IL17RD: variants seen among roughly 807,000 people sequenced by gnomAD.
IL17RD encodes interleukin 17 receptor D, also known as interleukin-17 receptor D.
IL17RD carries 52 observed loss-of-function variants against 80.5 expected under a neutral mutation model. The observed-to-expected ratio is 0.65, with a 90% CI of 0.52 to 0.81. The LOEUF (loss-of-function observed/expected upper bound fraction) is 0.81, where lower values mean the gene tolerates loss of function less well. IL17RD is among the 40% of genes least tolerant of loss of function. The pLI, the probability that IL17RD is intolerant of heterozygous loss-of-function variation, is 0.00. For synonymous variants in IL17RD, 416 were observed against 391.8 expected (o/e 1.06, Z -0.73); for missense variants, 1,024 against 955.1 (o/e 1.07, Z -0.95).
chr3:57,114,346 C>T (rs547946165), intron 3 of IL17RD, among the ~76,000 whole-genome samples: 92 of 152,316 alleles, frequency 6.0e-4, no homozygotes, highest in East Asian at 3.3e-3. Context: ...ATGGCCATTA[C>T]GCCCTTGGAT....
intron 11 of IL17RD, among the ~76,000 whole-genome samples, chr3:57,100,280 T>G (rs1706797852): frequency 6.6e-6 from 1 of 152,244 alleles, no homozygotes; most frequent in African/African-American, 2.4e-5. Context: ...TAGTATGTTA[T>G]GTTGACACTA....
Position 57,102,464 on chromosome 3 carries a change from C to A in IL17RD, c.979+15G>T. The A allele has an allele frequency of 1.4e-6, 2 of 1,447,174 alleles. No homozygotes were observed. The highest frequency in any genetic ancestry group is 1.9e-6 in the Non-Finnish European group (2 of 1,050,876). 89.6% of individuals were successfully genotyped at this position (1,447,174 alleles called of 1,614,324 possible). A position where few individuals can be genotyped will look rare whatever the true frequency, so the allele number is the denominator to read the frequency against. On this transcript the variant is annotated intron_variant, in intron 10 of 12. Coordinates refer to ENST00000296318, the MANE Select transcript of IL17RD (RefSeq NM_017563.5). ...TGCCCCTTGTTGTGGGGAGACACAG[C>A]ACACAAAGAGATACCTTGTTGCTTC... is the stretch of plus-strand genomic sequence containing the variant.
chr3:57,122,666 C>T (rs1190440222), intron 1 of IL17RD, among the ~76,000 whole-genome samples: 14 of 151,282 alleles, frequency 9.3e-5, no homozygotes, highest in African/African-American at 2.9e-4. Context: ...TTGTCTTCCA[C>T]GAAACTAGTC....
At position 57,105,838 on chromosome 3, in the gene IL17RD, T is replaced by C. The variant is rs751969483; in HGVS notation, c.747+19A>G. 10 of 1,611,212 alleles carry C rather than the reference T, an allele frequency of 6.2e-6. No homozygotes were observed. The highest frequency in any genetic ancestry group is 8.5e-6 in the Non-Finnish European group (10 of 1,178,582). ...CTTTGAAACACGCAGTGTTCCTTTA[T>C]ATACACCCAGCAGCTCACCTGCTTA... is the stretch of plus-strand genomic sequence containing the variant. On this transcript the variant is annotated intron_variant, in intron 7 of 12. Transcript: ENST00000296318.
intron 5 of IL17RD, among the ~76,000 whole-genome samples, chr3:57,108,609 G>C (rs1707019986): frequency 7.3e-6 from 1 of 137,130 alleles, no homozygotes; most frequent in South Asian, 2.3e-4. Flanking sequence ...TCCACCTCCT[G>C]GGTTCAAGCA....
chr3:57,111,915 T>A (rs1707107509), intron 3 of IL17RD, among the ~76,000 whole-genome samples: 3 of 149,600 alleles, frequency 2.0e-5, no homozygotes, highest in Admixed American at 6.7e-5. Context: ...TGAGCTGAGA[T>A]CATGCCACTG....
chr3:57,136,712 C>T (rs60205176), intron 1 of IL17RD, among the ~76,000 whole-genome samples: 2,378 of 148,142 alleles, frequency 0.016, 63 homozygotes, highest in African/African-American at 0.056. Context: ...GGATTCTCTC[C>T]TTCTCATTTA....
intron 2 of IL17RD, among the ~76,000 whole-genome samples, chr3:57,117,316 A>G (rs1579279680): frequency 1.3e-5 from 2 of 152,032 alleles, no homozygotes; most frequent in East Asian, 3.9e-4. Context: ...GTTTCACCTT[A>G]TTGGTTAGGT....
chr3:57,113,869 G>GT (rs1049552920), intron 3 of IL17RD, among the ~76,000 whole-genome samples: 3 of 151,496 alleles, frequency 2.0e-5, no homozygotes, highest in African/African-American at 7.3e-5. Context: ...TTTCCATTTG[G>GT]TTTTTTTGGC....
At position 57,093,393 on chromosome 3, in the gene IL17RD, T is replaced by G. The variant is rs1706601560; in HGVS notation, c.*3000A>C. ...GGGGGGCCAGAGAGTTTTCTTTCTT[T>G]TGGGAGAAGGGTGTGTCATTTTTCC... On this transcript the variant is annotated 3_prime_UTR_variant, in exon 13 of 13. Transcript: ENST00000296318. The G allele has an allele frequency of 6.6e-6, 1 of 152,202 alleles. No individual in the cohort carries two copies. Among genetic ancestry groups the G allele is most frequent in the Non-Finnish European group, 1.5e-5 (1 of 68,042 alleles). 9.4% of individuals were successfully genotyped at this position (152,202 alleles called of 1,614,324 possible).
In IL17RD at chr3:57,098,448, T is replaced by C; in HGVS notation, c.1255A>G (p.Ile419Val). 1 of 1,613,970 alleles carries C rather than the reference T, an allele frequency of 6.2e-7. No individual in the cohort carries two copies. Among genetic ancestry groups the C allele is most frequent in the Non-Finnish European group, 8.5e-7 (1 of 1,179,876 alleles). The change falls in exon 12 of 13, where the codon ATT becomes GTT. Residue 419 changes from isoleucine to valine, a missense_variant. By Grantham distance (29) the Ile-to-Val change is conservative. Coordinates refer to ENST00000296318, the MANE Select transcript of IL17RD (RefSeq NM_017563.5). ...IQKIHESQFI[I>V]VVCSKGMKYF... ...TTCATACCTTTGGAACAAACCACAA[T>C]GATGAACTGGGACTCGTGGATCTTC... is the stretch of plus-strand genomic sequence containing the variant.
At chr3:57,102,105 AT>A (rs1553622633) in intron 10 of IL17RD, among the ~76,000 whole-genome samples, 2 of 151,744 alleles carry the variant, frequency 1.3e-5, no homozygotes, top group South Asian at 2.1e-4. Context: ...TACAAAAAAA[AT>A]TTTTTTTTAA....
chr3:57,098,634 T>G, intron 11 of IL17RD, 96 bp from the exon 12 acceptor site: 1 of 793,738 alleles, frequency 1.3e-6, no homozygotes, highest in Non-Finnish European at 2.1e-6. Context: ...GGAGGCCATC[T>G]CATCTGCCCC....
intron 1 of IL17RD, among the ~76,000 whole-genome samples, chr3:57,125,491 C>G (rs1453298280): frequency 6.6e-6 from 1 of 152,202 alleles, no homozygotes; most frequent in African/African-American, 2.4e-5. Flanking sequence ...AGCATAGCAT[C>G]TGACACACAA....
chr3:57,137,925 T>A (rs1162839956), intron 1 of IL17RD, among the ~76,000 whole-genome samples: 1 of 152,200 alleles, frequency 6.6e-6, no homozygotes, highest in African/African-American at 2.4e-5. Context: ...TTGTTAGCTT[T>A]TACCAAATCT....
chr3:57,106,886 C>A (rs571723364), intron 5 of IL17RD, among the ~76,000 whole-genome samples: 13 of 152,198 alleles, frequency 8.5e-5, no homozygotes, highest in African/African-American at 2.9e-4. Flanking sequence ...CAGGAACACA[C>A]CCCCTGCCTC....
At chr3:57,116,433 G>A (rs995268550) in intron 2 of IL17RD, among the ~76,000 whole-genome samples, 50 of 142,440 alleles carry the variant, frequency 3.5e-4, no homozygotes, top group African/African-American at 1.0e-3. Flanking sequence ...ACAGGCATGC[G>A]CCACCACACC....
At chr3:57,126,765 A>G (rs756259616) in intron 1 of IL17RD, among the ~76,000 whole-genome samples, 3 of 152,212 alleles carry the variant, frequency 2.0e-5, no homozygotes, top group Non-Finnish European at 4.4e-5. Context: ...GAAAGCCAGT[A>G]ATGTTTTAGT....
intron 11 of IL17RD, among the ~76,000 whole-genome samples, chr3:57,100,048 TTTTA>T (rs1384316343): frequency 1.3e-5 from 2 of 152,242 alleles, no homozygotes; most frequent in Admixed American, 6.5e-5. Flanking sequence ...CCAGACAATG[TTTTA>T]TTTATCATCC....
Sources: allele counts gnomAD v4.1 joint callset (sites outside exome capture counted in the v4.1 genomes callset), GRCh38; gene constraint gnomAD v4.1.1; transcripts MANE v1.5; gene names NCBI Gene and HGNC (gene_info 2026-07-23, HGNC 2026-07-21).